The following C2CD2 variants were observed in gnomAD, a reference collection of about 807,000 sequenced individuals.
C2CD2 encodes the protein C2 domain-containing protein 2.
In C2CD2, 43 loss-of-function variants were observed where a neutral mutation model predicts 74.3. The ratio of observed to expected loss-of-function variants is 0.58; its 90% CI spans 0.45 to 0.75. C2CD2 has a LOEUF of 0.75. Among genes scored for constraint, C2CD2 ranks in the 30% least tolerant of loss-of-function variants. The pLI is 0.00. For synonymous variants in C2CD2, 422 were observed against 390.7 expected (o/e 1.08, Z -0.94); for missense variants, 801 against 916.3 (o/e 0.87, Z 1.63).
At chr21:41,946,572 T>C (rs2065399396) in intron 1 of C2CD2, among the ~76,000 whole-genome samples, 1 of 152,222 alleles carries the variant, frequency 6.6e-6, no homozygotes, top group Non-Finnish European at 1.5e-5. Flanking sequence ...AAGCAGAACC[T>C]GCTATACTTC....
At chr21:41,902,034 G>A (rs941901441) in intron 11 of C2CD2, among the ~76,000 whole-genome samples, 1 of 152,126 alleles carries the variant, frequency 6.6e-6, no homozygotes, top group Admixed American at 6.5e-5. Flanking sequence ...TTTTTCCTAT[G>A]GGCCATAGTT....
At chr21:41,902,721 C>T (rs143046994) in intron 11 of C2CD2, among the ~76,000 whole-genome samples, 5 of 152,218 alleles carry the variant, frequency 3.3e-5, no homozygotes, top group East Asian at 1.9e-4. Flanking sequence ...GGCCAAGAAC[C>T]GGTGACAACA....
At chr21:41,944,626 C>T (rs2065384255) in intron 1 of C2CD2, among the ~76,000 whole-genome samples, 1 of 151,872 alleles carries the variant, frequency 6.6e-6, no homozygotes. Flanking sequence ...ATTGCTTTTC[C>T]TTTTCTGATC....
chr21:41,903,612 T>C lies in C2CD2; in HGVS notation c.1433-1863A>G, dbSNP rs1253698774. 6.6e-6 allele frequency among the ~76,000 whole-genome samples: 1 copy of C among 152,070 alleles called. No homozygotes were observed. The highest frequency in any genetic ancestry group is 1.5e-5 in the Non-Finnish European group (1 of 68,004). On this transcript the variant is annotated intron_variant, in intron 11 of 13. Coordinates refer to ENST00000380486, the MANE Select transcript of C2CD2 (RefSeq NM_015500.2). This position sits in a 1 kb window ranked among gnomAD's most constrained non-coding sequence, Gnocchi z 4.5. Reference sequence around the variant, plus strand: ...AGAGAGAAGTGCTGGAGAAAGGAGTTGGGGAGGACTCCTTAGGAGAAAGCT... The same window carrying C: ...AGAGAGAAGTGCTGGAGAAAGGAGTCGGGGAGGACTCCTTAGGAGAAAGCT...
Position 41,885,664 on chromosome 21 carries a change from T to C in C2CD2, c.*3460A>G, listed in dbSNP as rs1278091686. 3 of 151,984 alleles carry C rather than the reference T, an allele frequency of 2.0e-5. No homozygotes were observed. The highest frequency in any genetic ancestry group is 7.2e-5 in the African/African-American group (3 of 41,398). 9.4% of individuals were successfully genotyped at this position (151,984 alleles called of 1,614,324 possible). A position where few individuals can be genotyped will look rare whatever the true frequency, so the allele number is the denominator to read the frequency against. On this transcript the variant is annotated 3_prime_UTR_variant, in exon 14 of 14. Coordinates refer to ENST00000380486, the MANE Select transcript of C2CD2 (RefSeq NM_015500.2). ...TGTCCTGCCTTCCACCATCCACCAA[T>C]TTGTACTCTGAAGTTTCCAGATCAA...
chr21:41,911,674 T>C (rs1465545802), intron 7 of C2CD2, among the ~76,000 whole-genome samples: 1 of 151,810 alleles, frequency 6.6e-6, no homozygotes, highest in Non-Finnish European at 1.5e-5. Context: ...ATGTGTGAGC[T>C]ACTGTTCCCA....
chr21:41,912,281 C>A, intron 7 of C2CD2, 51 bp downstream of exon 7: 1 of 1,177,930 alleles, frequency 8.5e-7, no homozygotes, highest in Non-Finnish European at 1.3e-6. Context: ...TTTGGCGCTC[C>A]TGAACAGACA....
intron 7 of C2CD2, among the ~76,000 whole-genome samples, chr21:41,909,796 G>A (rs1163661835): frequency 1.3e-5 from 2 of 152,116 alleles, no homozygotes; most frequent in Admixed American, 6.6e-5. Context: ...CGGTAGGCAC[G>A]GAGCACTGGA....
Position 41,899,049 on chromosome 21 carries a change from G to A in C2CD2, c.1870+4C>T. 6.2e-7 allele frequency: 1 copy of A among 1,611,694 alleles called. No homozygotes were observed. Among genetic ancestry groups the A allele is most frequent in the Non-Finnish European group, 8.5e-7 (1 of 1,178,836 alleles). The stretch of plus-strand genomic sequence containing the variant: ...CCCGGGATGGGGGGCTCGGGAGCAG[G>A]TACCTTTATGCTTTTTGGCAGTGCC... On this transcript the variant is annotated splice_donor_region_variant and intron_variant, in intron 13 of 13. Coordinates refer to ENST00000380486, the MANE Select transcript of C2CD2 (RefSeq NM_015500.2). This position sits in a 1 kb window ranked among gnomAD's most constrained non-coding sequence, Gnocchi z 4.4.
rs781116039 is a variant in C2CD2, at chr21:41,921,961, C to T, written c.492+11G>A. The T allele has an allele frequency of 1.1e-5, 18 of 1,570,932 alleles. No individual in the cohort carries two copies. The highest frequency in any genetic ancestry group is 1.6e-5 in the Non-Finnish European group (18 of 1,141,072). On this transcript the variant is annotated intron_variant, in intron 3 of 13. Transcript: ENST00000380486. ...CGGGTCTCATAACTTGCAAAGTCTACACATCTTTACCTGTAAATGGAAAGG... is the reference window on the plus strand; with the variant it reads ...CGGGTCTCATAACTTGCAAAGTCTATACATCTTTACCTGTAAATGGAAAGG...
intron 2 of C2CD2, among the ~76,000 whole-genome samples, chr21:41,936,888 G>A (rs1340424134): frequency 4.9e-5 from 7 of 142,964 alleles, no homozygotes; most frequent in Non-Finnish European, 1.0e-4. Context: ...GTGCGGTCTC[G>A]GCTCACTGCA....
Position 41,942,154 on chromosome 21 carries a change from T to G in C2CD2, c.371A>C (p.Glu124Ala). 6.5e-7 allele frequency: 1 copy of G among 1,549,254 alleles called. No individual in the cohort carries two copies. Among genetic ancestry groups the G allele is most frequent in the Non-Finnish European group, 8.7e-7 (1 of 1,146,758 alleles). ...QEVSSVLRSA[E>A]EKVVVCHVVG... ...ATGGGCTCCTGGGCTCACCTTCTCC[T>G]CCGCCGACCTGAGCACGCTGGAGAC... The change falls in exon 2 of 14, where the codon GAG (glutamate) becomes GCG (alanine). Residue 124 changes from glutamate (E) to alanine (A), a missense_variant. Coordinates refer to ENST00000380486, the MANE Select transcript of C2CD2 (RefSeq NM_015500.2).
At chr21:41,908,843 T>A (rs773231159) in intron 8 of C2CD2, 1 of 152,818 alleles carries the variant, frequency 6.5e-6, no homozygotes, top group Non-Finnish European at 1.5e-5. Flanking sequence ...CACACACACA[T>A]ACAGGCCCAC....
At chr21:41,894,175 G>T (rs73363122) in intron 13 of C2CD2, among the ~76,000 whole-genome samples, 13,384 of 152,244 alleles carry the variant, frequency 0.088, 682 homozygotes, top group Middle Eastern at 0.17. Context: ...GCACAGTCAT[G>T]TGCGGGTGGG....
At chr21:41,922,242 T>TCCA (rs71332343) in intron 2 of C2CD2, among the ~76,000 whole-genome samples, 157 bp from the exon 3 acceptor site, 33,170 of 150,760 alleles carry the variant, frequency 0.22, 4,247 homozygotes, top group Non-Finnish European at 0.29. Flanking sequence ...CACTGCAACC[T>TCCA]CCACCTCCCC....
intron 5 of C2CD2, among the ~76,000 whole-genome samples, chr21:41,916,164 A>C (rs760643573): frequency 4.6e-5 from 7 of 152,184 alleles, no homozygotes; most frequent in African/African-American, 9.7e-5. Flanking sequence ...GGGACAGAGC[A>C]ATCTACTTGT....
Position 41,922,001 on chromosome 21 carries a change from C to G in C2CD2, c.463G>C (p.Asp155His). The change falls in exon 3 of 14, where the codon GAC (aspartate) becomes CAC (histidine). Residue 155 changes from aspartate (D) to histidine (H), a missense_variant. Physicochemically the swap from Asp to His is moderately conservative, Grantham distance 81. Coordinates refer to ENST00000380486, the MANE Select transcript of C2CD2 (RefSeq NM_015500.2). ...AAATGGAAAGGGGAGAGCCGCATGTCGTACAGCCGGCATCCAGCACCCAAG... is the reference window on the plus strand; with the variant it reads ...AAATGGAAAGGGGAGAGCCGCATGTGGTACAGCCGGCATCCAGCACCCAAG... ...PALGAGCRLY[D>H]MRLSPFHLQL... The G allele has an allele frequency of 1.2e-6, 2 of 1,613,390 alleles. No individual in the cohort carries two copies. Among genetic ancestry groups the G allele is most frequent in the Middle Eastern group, 1.6e-4 (1 of 6,062 alleles).
At chr21:41,944,287 C>T (rs111891560) in intron 1 of C2CD2, among the ~76,000 whole-genome samples, 3,670 of 152,092 alleles carry the variant, frequency 0.024, 48 homozygotes, top group Middle Eastern at 0.051. Flanking sequence ...CCGAGGCGGA[C>T]GGATCACGAG....
In C2CD2 at chr21:41,926,040, T is replaced by A. The variant is rs1188151124; in HGVS notation, c.379-3955A>T. On this transcript the variant is annotated intron_variant, in intron 2 of 13. Transcript: ENST00000380486. The surrounding 1 kb of genome is among the most constrained non-coding windows in gnomAD (Gnocchi z 8.0). ...ACAGTCTGCTATTAATACAGGATTT[T>A]AAAAAGTTAAATAGAAGCAATTATT... Among the ~76,000 whole-genome samples, 1 of 152,148 alleles carries A rather than the reference T, an allele frequency of 6.6e-6. No homozygotes were observed. The highest frequency in any genetic ancestry group is 1.5e-5 in the Non-Finnish European group (1 of 68,032).
Sources: allele counts gnomAD v4.1 joint callset (sites outside exome capture counted in the v4.1 genomes callset), GRCh38; gene constraint gnomAD v4.1.1; non-coding constraint Gnocchi (gnomAD v3.1); transcripts MANE v1.5; gene names NCBI Gene and HGNC (gene_info 2026-07-23, HGNC 2026-07-21).